The following C5orf34 variants were observed in gnomAD, a reference collection of about 807,000 sequenced individuals.
The protein encoded by C5orf34 is chromosome 5 open reading frame 34.
In C5orf34, 73 loss-of-function variants were observed where a neutral mutation model predicts 78.4. The ratio of observed to expected loss-of-function variants is 0.93; its 90% CI spans 0.77 to 1.13. C5orf34 has a LOEUF of 1.13. Ranked by LOEUF, C5orf34 falls within the 50% of genes most tolerant of loss-of-function variation. C5orf34 has a pLI of 0.00. For missense variants in C5orf34, 730 were observed against 732.7 expected (o/e 1.00, Z 0.04); for synonymous variants, 251 against 246.6 (o/e 1.02, Z -0.17).
intron 6 of C5orf34, among the ~76,000 whole-genome samples, chr5:43,501,499 C>A (rs1035332925): frequency 2.6e-5 from 4 of 152,096 alleles, no homozygotes; most frequent in African/African-American, 9.7e-5. Flanking sequence ...GAATCTGTTC[C>A]AATATATACT....
chr5:43,513,632 T>A (rs1214570350), intron 1 of C5orf34, among the ~76,000 whole-genome samples: 2 of 152,236 alleles, frequency 1.3e-5, no homozygotes, highest in African/African-American at 4.8e-5. Context: ...ACAGGGCACT[T>A]TAGATACATT....
At chr5:43,496,775 G>A (rs750880365) in intron 6 of C5orf34, among the ~76,000 whole-genome samples, 4 of 151,360 alleles carry the variant, frequency 2.6e-5, no homozygotes, top group East Asian at 1.9e-4. Context: ...TTGTAGAGGC[G>A]AGGTCTTACT....
intron 6 of C5orf34, chr5:43,495,624 T>C: frequency 6.2e-7 from 1 of 1,604,358 alleles, no homozygotes; most frequent in African/African-American, 1.3e-5. Flanking sequence ...GGAGCAAAGG[T>C]GACCACCACA....
intron 6 of C5orf34, chr5:43,495,141 C>T (rs1406460082): frequency 1.4e-4 from 217 of 1,604,406 alleles, no homozygotes; most frequent in Non-Finnish European, 1.8e-4. Flanking sequence ...TTCTTGTCCA[C>T]TGCTTTGATG....
intron 7 of C5orf34, 96 bp from the exon 8 acceptor site, chr5:43,493,708 G>A: frequency 1.5e-6 from 1 of 667,032 alleles, no homozygotes; most frequent in Admixed American, 2.8e-5. Flanking sequence ...TAGATGATCA[G>A]TAAATCATTT....
At chr5:43,496,409 C>G in intron 6 of C5orf34, 1 of 1,595,474 alleles carries the variant, frequency 6.3e-7, no homozygotes. Flanking sequence ...CCCGAATTTA[C>G]GTGTCCAATG....
At chr5:43,492,940 A>G (rs1745346278) in intron 8 of C5orf34, 50 bp from the exon 9 acceptor site, 1 of 1,329,540 alleles carries the variant, frequency 7.5e-7, no homozygotes, top group Non-Finnish European at 1.0e-6. Flanking sequence ...TCTAAGAACA[A>G]GATTTAAATG....
In C5orf34 at chr5:43,495,124, A is replaced by G. The variant is rs900307903; in HGVS notation, c.1153-523T>C. On this transcript the variant is annotated intron_variant, in intron 6 of 12. Transcript: ENST00000306862. Reference sequence around the variant, plus strand: ...CAGACTTCGTGACCTTGCCACCTCCAGCAGCCTTCTTGTCCACTGCTTTGA... The same window carrying G: ...CAGACTTCGTGACCTTGCCACCTCCGGCAGCCTTCTTGTCCACTGCTTTGA... The G allele has an allele frequency of 1.9e-6, 3 of 1,592,756 alleles. No individual in the cohort carries two copies. The African/African-American group carries it at 4.0e-5, about 21-fold the overall frequency.
Position 43,506,103 on chromosome 5 carries a change from T to C in C5orf34, c.577A>G (p.Asn193Asp). The C allele has an allele frequency of 6.2e-7, 1 of 1,614,222 alleles. No homozygotes were observed. The highest frequency in any genetic ancestry group is 8.5e-7 in the Non-Finnish European group (1 of 1,180,040). Reference sequence around the variant, plus strand: ...TGGCAATGAAACTCATTTTCTTTATTCTTCAGTCTCTGTCCTGGTAAATTT... The same window carrying C: ...TGGCAATGAAACTCATTTTCTTTATCCTTCAGTCTCTGTCCTGGTAAATTT... ...RGNLPGQRLK[N>D]KENEFHCQIM... The change falls in exon 4 of 13, where the codon AAT becomes GAT. Residue 193 changes from asparagine (N) to aspartate (D), a missense_variant. Transcript: ENST00000306862.
intron 11 of C5orf34, 69 bp from the exon 12 acceptor site, chr5:43,488,018 G>T: frequency 8.0e-7 from 1 of 1,253,274 alleles, no homozygotes; most frequent in Non-Finnish European, 1.1e-6. Flanking sequence ...TTTCAAATAA[G>T]CATACCTGAC....
rs1175929578 is a variant in C5orf34 at position 43,487,029 on chromosome 5, T to G, written c.1803A>C (p.Gly601=). The change falls in exon 13 of 13, where the codon GGA becomes GGC. Residue 601 remains glycine (G), a synonymous_variant. Coordinates refer to ENST00000306862, the MANE Select transcript of C5orf34 (RefSeq NM_198566.4). ...CTTCTCCTAGCAAGGTTTCTGAAGA[T>G]CCTGGTTTATAATGATCAAAAGACT... ...EQQSFDHYKP[G]SSETLLGEVN... The G allele has an allele frequency of 1.3e-6, 2 of 1,593,832 alleles. No homozygotes were observed. The highest frequency in any genetic ancestry group is 1.7e-6 in the Non-Finnish European group (2 of 1,169,872).
At chr5:43,509,100 G>A (rs780363134) in intron 2 of C5orf34, 45 bp downstream of exon 2, 5 of 1,503,522 alleles carry the variant, frequency 3.3e-6, no homozygotes, top group South Asian at 2.5e-5. Context: ...GCAAGAACCT[G>A]TCTCTAAAAA....
chr5:43,487,140 C>G (rs766093281), intron 12 of C5orf34, 29 bp from the exon 13 acceptor site: 1 of 1,134,676 alleles, frequency 8.8e-7, no homozygotes, highest in Non-Finnish European at 1.2e-6. Context: ...GAGGTTTTCC[C>G]CACATTTTTC....
intron 11 of C5orf34, 72 bp downstream of exon 11, chr5:43,490,559 T>TACC (rs1309368341): frequency 1.0e-6 from 1 of 981,590 alleles, no homozygotes; most frequent in African/African-American, 1.7e-5. Context: ...AGTCTCAGTT[T>TACC]ACCATTTGAC....
At chr5:43,501,936 A>G (rs1347510409) in intron 6 of C5orf34, among the ~76,000 whole-genome samples, 1 of 152,226 alleles carries the variant, frequency 6.6e-6, no homozygotes, top group Admixed American at 6.5e-5. Flanking sequence ...GTTTTCAGCA[A>G]CAGAGAACAA....
intron 7 of C5orf34, among the ~76,000 whole-genome samples, chr5:43,493,890 G>T (rs1203394120): frequency 6.6e-6 from 1 of 152,014 alleles, no homozygotes; most frequent in South Asian, 2.1e-4. Context: ...TTTTTAAGAG[G>T]TGATAGATTC....
intron 1 of C5orf34, among the ~76,000 whole-genome samples, chr5:43,512,212 A>G (rs957676433): frequency 2.0e-5 from 3 of 152,246 alleles, no homozygotes; most frequent in African/African-American, 7.2e-5. Flanking sequence ...GCACTCAAGC[A>G]ATCTTATGAA....
Position 43,490,730 on chromosome 5 carries a change from C to G in C5orf34, c.1581-1G>C. On this transcript the variant is annotated splice_acceptor_variant, in intron 10 of 12. Coordinates refer to ENST00000306862, the MANE Select transcript of C5orf34 (RefSeq NM_198566.4). LOFTEE classifies it high-confidence loss of function. ...CCATGATGTTACTGTTGTCACATATCTAAAGTGAATACATTAAAAGAAATA... is the reference window on the plus strand; with the variant it reads ...CCATGATGTTACTGTTGTCACATATGTAAAGTGAATACATTAAAAGAAATA... 1.3e-6 allele frequency: 2 copies of G among 1,508,956 alleles called. No homozygotes were observed. Among genetic ancestry groups the G allele is most frequent in the Non-Finnish European group, 1.8e-6 (2 of 1,087,734 alleles). 93.5% of individuals were successfully genotyped at this position (1,508,956 alleles called of 1,614,324 possible).
In C5orf34 at chr5:43,490,684, A is replaced by G. The variant is rs919951213; in HGVS notation, c.1626T>C (p.Thr542=). ...AATGAGTGGGCATCTCTCTGGGACT[A>G]GTCTGGGTCAGTCTCCTGCACCATG... is the stretch of plus-strand genomic sequence containing the variant. ...VTSWCRRLTQ[T]SPREMPTHSS... Residue 542 remains threonine, a synonymous_variant, in exon 11 of 13, where the codon ACT becomes ACC. Coordinates refer to ENST00000306862, the MANE Select transcript of C5orf34 (RefSeq NM_198566.4). The G allele has an allele frequency of 1.2e-6, 2 of 1,610,908 alleles. No individual in the cohort carries two copies. The highest frequency in any genetic ancestry group is 1.3e-5 in the African/African-American group (1 of 74,868).
Sources: gnomAD v4.1 joint callset for allele counts (sites outside exome capture counted in the v4.1 genomes callset) on GRCh38, gnomAD v4.1.1 for gene constraint, MANE v1.5 for transcripts, NCBI Gene and HGNC (gene_info 2026-07-23, HGNC 2026-07-21) for gene names.